PSMF1: variants seen among roughly 807,000 people sequenced by gnomAD.
The protein encoded by PSMF1 is proteasome inhibitor subunit 1.
PSMF1 carries 30 observed loss-of-function variants against 29.3 expected under a neutral mutation model. The ratio of observed to expected loss-of-function variants is 1.02; its 90% CI spans 0.77 to 1.39. PSMF1 has a LOEUF of 1.39. Ranked by LOEUF, PSMF1 falls within the 40% of genes most tolerant of loss-of-function variation. The probability of loss-of-function intolerance (pLI) is 0.00; values close to 1 mark genes in which losing one functional copy is unlikely to be tolerated. For synonymous variants in PSMF1, 134 were observed against 139.7 expected, an observed-to-expected ratio of 0.96 and a Z score of 0.29; for missense variants, 344 against 357.5, an observed-to-expected ratio of 0.96 and a Z score of 0.31.
In PSMF1 at chr20:1,125,595, G is replaced by T. The variant is rs758071069; in HGVS notation, c.227G>T (p.Arg76Ile). ...CGGTATGAGTATAAGGATGGGTCCA[G>T]AAAGCTCCTTGTGAAAGCCATCACC... ...VLRYEYKDGS[R>I]KLLVKAITVE... Residue 76 changes from arginine (R) to isoleucine (I), a missense_variant, in exon 2 of 7, where the codon AGA (arginine) becomes ATA (isoleucine). Physicochemically the swap from Arg to Ile is moderately conservative, Grantham distance 97. Coordinates refer to ENST00000335877, the MANE Select transcript of PSMF1 (RefSeq NM_006814.5). The T allele has an allele frequency of 6.2e-7, 1 of 1,614,132 alleles. No homozygotes were observed. The highest frequency in any genetic ancestry group is 8.5e-7 in the Non-Finnish European group (1 of 1,180,002).
At chr20:1,119,298 C>A (rs1346508975) in intron 1 of PSMF1, among the ~76,000 whole-genome samples, 1 of 152,170 alleles carries the variant, frequency 6.6e-6, no homozygotes. Flanking sequence ...GGTGAGGGGA[C>A]TGACTCAGTT....
At chr20:1,160,686 G>T (rs2086655905) in intron 4 of PSMF1, 1 of 496,212 alleles carries the variant, frequency 2.0e-6, no homozygotes, top group Non-Finnish European at 4.1e-6. Flanking sequence ...TCCCTCCACT[G>T]TCAGGTGCCC....
In PSMF1 at chr20:1,170,293, C is replaced by T. The variant is rs901144374; in HGVS notation, c.*5213C>T. Among the ~76,000 whole-genome samples the T allele has an allele frequency of 2.6e-5, 4 of 152,098 alleles. No individual in the cohort carries two copies. The highest frequency in any genetic ancestry group is 9.7e-5 in the African/African-American group (4 of 41,408). ...AAGCTCACATGGACTATGTCTTTTT[C>T]CTTTACGTGAATATCGAGTACAAAG... On this transcript the variant is annotated 3_prime_UTR_variant, in exon 7 of 7. Coordinates refer to ENST00000335877, the MANE Select transcript of PSMF1 (RefSeq NM_006814.5).
intron 3 of PSMF1, among the ~76,000 whole-genome samples, chr20:1,133,863 G>T (rs1447722509): frequency 6.6e-6 from 1 of 151,702 alleles, no homozygotes; most frequent in African/African-American, 2.4e-5. Flanking sequence ...GTAGTTTATG[G>T]TTTTTAAGAA....
rs770803195 is a variant in PSMF1 at position 1,118,803 on chromosome 20, G to A, written c.30G>A (p.Ser10=). The change falls in exon 1 of 7, where the codon TCG becomes TCA. Residue 10 remains serine (S), a synonymous_variant. Transcript: ENST00000335877. MAGLEVLFA[S]AAPAITCRQD... ...CGGGCCTGGAGGTACTGTTCGCATCGGCAGCGCCGGCCATCACCTGCAGGC... is the reference window on the plus strand; with the variant it reads ...CGGGCCTGGAGGTACTGTTCGCATCAGCAGCGCCGGCCATCACCTGCAGGC... 1 of 1,613,164 alleles carries A rather than the reference G, an allele frequency of 6.2e-7. No individual in the cohort carries two copies. Among genetic ancestry groups the A allele is most frequent in the South Asian group, 1.1e-5 (1 of 91,044 alleles).
chr20:1,165,558 C>T lies in PSMF1; in HGVS notation c.*478C>T. 1.0e-6 allele frequency: 1 copy of T among 995,802 alleles called. No individual in the cohort carries two copies. Among genetic ancestry groups the T allele is most frequent in the Non-Finnish European group, 1.2e-6 (1 of 836,194 alleles). 61.7% of individuals were successfully genotyped at this position (995,802 alleles called of 1,614,324 possible). A position where few individuals can be genotyped will look rare whatever the true frequency, so the allele number is the denominator to read the frequency against. On this transcript the variant is annotated 3_prime_UTR_variant, in exon 7 of 7. Coordinates refer to ENST00000335877, the MANE Select transcript of PSMF1 (RefSeq NM_006814.5). ...TTTGAGTTTCTGTAGGGCTGAATGA[C>T]TCTTTTTCCTGCCCAGGGCCCATTC...
chr20:1,119,349 A>T (rs946132646), intron 1 of PSMF1, among the ~76,000 whole-genome samples: 26 of 152,236 alleles, frequency 1.7e-4, no homozygotes, highest in African/African-American at 6.0e-4. Flanking sequence ...AAACATCTGG[A>T]TCCAAGCACA....
intron 4 of PSMF1, among the ~76,000 whole-genome samples, chr20:1,144,642 GTTA>G (rs2086425903): frequency 1.3e-5 from 2 of 152,230 alleles, no homozygotes; most frequent in South Asian, 2.1e-4. Context: ...GTTAATCAGA[GTTA>G]TTATGCTGAG....
chr20:1,143,109 A>T (rs945041757), intron 4 of PSMF1, among the ~76,000 whole-genome samples: 2 of 152,240 alleles, frequency 1.3e-5, no homozygotes, highest in Non-Finnish European at 2.9e-5. Context: ...TGCAATTCCT[A>T]TCAAAAATCC....
At chr20:1,138,774 G>C (rs1178253228) in intron 4 of PSMF1, among the ~76,000 whole-genome samples, 1 of 151,684 alleles carries the variant, frequency 6.6e-6, no homozygotes, top group African/African-American at 2.4e-5. Context: ...GCAGTGAGCT[G>C]TCATCACACC....
Position 1,167,105 on chromosome 20 carries a change from T to C in PSMF1, c.*2025T>C, listed in dbSNP as rs1803414. The C allele has an allele frequency of 6.6e-6, 1 of 152,178 alleles. No individual in the cohort carries two copies. The highest frequency in any genetic ancestry group is 2.1e-4 in the South Asian group (1 of 4,830). 9.4% of individuals were successfully genotyped at this position (152,178 alleles called of 1,614,324 possible). Reference sequence around the variant, plus strand: ...GTGAGTTTCCTTGCATCAAGGACACTGAGAAACACAGTCATTGTCTTAGGT... The same window carrying C: ...GTGAGTTTCCTTGCATCAAGGACACCGAGAAACACAGTCATTGTCTTAGGT... On this transcript the variant is annotated 3_prime_UTR_variant, in exon 7 of 7. Transcript: ENST00000335877.
intron 2 of PSMF1, among the ~76,000 whole-genome samples, chr20:1,126,345 T>C (rs1003130847): frequency 6.6e-6 from 1 of 152,234 alleles, no homozygotes; most frequent in African/African-American, 2.4e-5. Context: ...TCCTGCTGTA[T>C]GTATTATACT....
chr20:1,129,862 T>C (rs1208467950), intron 3 of PSMF1, among the ~76,000 whole-genome samples: 4 of 152,218 alleles, frequency 2.6e-5, no homozygotes, highest in Admixed American at 1.3e-4. Context: ...TGAAAAGATA[T>C]TTGTACACCC....
chr20:1,157,969 A>G lies in PSMF1; in HGVS notation c.552-5161A>G, dbSNP rs145558066. Among the ~76,000 whole-genome samples, 1,133 of 152,278 alleles carry G rather than the reference A, an allele frequency of 7.4e-3. 9 individuals are homozygous for G. Among genetic ancestry groups the G allele is most frequent in the South Asian group, 0.018 (87 of 4,816 alleles). On this transcript the variant is annotated intron_variant, in intron 4 of 6. Transcript: ENST00000335877. The stretch of plus-strand genomic sequence containing the variant: ...CGTTCTAGAGTAGTAGACTGATTTC[A>G]TCTTGATAGTCTGGGTCAGTCACCC...
At chr20:1,119,715 G>T (rs1465387847) in intron 1 of PSMF1, among the ~76,000 whole-genome samples, 1 of 152,114 alleles carries the variant, frequency 6.6e-6, no homozygotes, top group East Asian at 1.9e-4. Context: ...CTTTGCTCTG[G>T]CATTCTTCTT....
intron 3 of PSMF1, among the ~76,000 whole-genome samples, chr20:1,133,564 T>G (rs1482428673): frequency 1.2e-5 from 1 of 83,428 alleles, no homozygotes; most frequent in Non-Finnish European, 2.5e-5. Flanking sequence ...TGTATATATA[T>G]ATATATTTTT....
chr20:1,119,397 C>A (rs2122434431), intron 1 of PSMF1, among the ~76,000 whole-genome samples: 1 of 152,234 alleles, frequency 6.6e-6, no homozygotes, highest in African/African-American at 2.4e-5. Context: ...AGCCCCAGGC[C>A]AGGGCCCTTT....
In PSMF1 at chr20:1,163,181, T is replaced by A; in HGVS notation, c.603T>A (p.Phe201Leu). The A allele has an allele frequency of 6.2e-7, 1 of 1,614,130 alleles. No individual in the cohort carries two copies. Among genetic ancestry groups the A allele is most frequent in the Non-Finnish European group, 8.5e-7 (1 of 1,179,992 alleles). The change falls in exon 5 of 7, where the codon TTT becomes TTA. Residue 201 changes from phenylalanine (F) to leucine (L), a missense_variant and splice_region_variant. Physicochemically the swap from Phe to Leu is conservative, Grantham distance 22. Coordinates refer to ENST00000335877, the MANE Select transcript of PSMF1 (RefSeq NM_006814.5). This position sits in a 1 kb window ranked among gnomAD's most constrained non-coding sequence, Gnocchi z 6.1. The part of the protein sequence containing the change: ...FVVGGEDLDP[F>L]GPRRGGMIVD... Reference sequence around the variant, plus strand: ...TCGGGGGAGAAGACTTAGACCCTTTTGGGTGAGTACTGCTGGGGAGGTGGC... The same window carrying A: ...TCGGGGGAGAAGACTTAGACCCTTTAGGGTGAGTACTGCTGGGGAGGTGGC...
chr20:1,164,606 G>A lies in PSMF1; in HGVS notation c.764+130G>A, dbSNP rs1311774216. 10 of 1,275,140 alleles carry A rather than the reference G, an allele frequency of 7.8e-6. No homozygotes were observed. In the South Asian group the frequency reaches 1.3e-4, roughly 16 times the overall value. 79.0% of individuals were successfully genotyped at this position (1,275,140 alleles called of 1,614,324 possible). On this transcript the variant is annotated intron_variant, in intron 6 of 6. Transcript: ENST00000335877. The surrounding 1 kb of genome is among the most constrained non-coding windows in gnomAD (Gnocchi z 4.1). ...TTCACCTGTTGCTGCCAGGAGAGTG[G>A]AGCCTCCTCCAGGGCCCTGCCTGAT...
Sources: gnomAD v4.1 joint callset for allele counts (sites outside exome capture counted in the v4.1 genomes callset) on GRCh38, gnomAD v4.1.1 for gene constraint, Gnocchi (gnomAD v3.1) non-coding constraint, MANE v1.5 for transcripts, NCBI Gene and HGNC (gene_info 2026-07-23, HGNC 2026-07-21) for gene names.